Variants in SGCZ observed in about 807,000 individuals in gnomAD.
SGCZ encodes zeta-sarcoglycan.
A neutral mutation model predicts 41.3 loss-of-function variants in SGCZ; 40 were observed. The ratio of observed to expected loss-of-function variants is 0.97; its 90% CI spans 0.75 to 1.26. The LOEUF (loss-of-function observed/expected upper bound fraction) is 1.26, where lower values mean the gene tolerates loss of function less well. Ranked by LOEUF, SGCZ falls within the 50% of genes most tolerant of loss-of-function variation. The probability of loss-of-function intolerance (pLI) is 0.00; values close to 1 mark genes in which losing one functional copy is unlikely to be tolerated. For synonymous variants in SGCZ, 206 were observed against 137.5 expected (o/e 1.50, Z -3.49); for missense variants, 552 against 369.8 (o/e 1.49, Z -4.04).
intron 1 of SGCZ, among the ~76,000 whole-genome samples, chr8:15,023,014 A>T (rs1276903574): frequency 6.6e-6 from 1 of 152,004 alleles, no homozygotes; most frequent in East Asian, 1.9e-4. Context: ...TACTGTGGGC[A>T]TTTTCTTCAT....
At chr8:14,438,899 A>G (rs989388119) in intron 2 of SGCZ, among the ~76,000 whole-genome samples, 4 of 152,068 alleles carry the variant, frequency 2.6e-5, no homozygotes, top group Admixed American at 2.0e-4. Flanking sequence ...AGAGTATATT[A>G]TAATGATCTT....
intron 1 of SGCZ, among the ~76,000 whole-genome samples, chr8:14,587,237 A>T (rs1025638745): frequency 6.6e-6 from 1 of 152,026 alleles, no homozygotes; most frequent in Non-Finnish European, 1.5e-5. Context: ...CCAAACTTCT[A>T]CTATATCTTA....
intron 1 of SGCZ, among the ~76,000 whole-genome samples, chr8:14,863,822 C>T (rs1267118679): frequency 6.6e-6 from 1 of 152,074 alleles, no homozygotes; most frequent in African/African-American, 2.4e-5. Flanking sequence ...GTTGTAAATG[C>T]TGGAAATACA....
intron 1 of SGCZ, among the ~76,000 whole-genome samples, chr8:14,987,686 G>C (rs905216513): frequency 6.6e-6 from 1 of 151,822 alleles, no homozygotes; most frequent in Non-Finnish European, 1.5e-5. Context: ...ATCTTTACTG[G>C]AAGAAACTTA....
intron 1 of SGCZ, among the ~76,000 whole-genome samples, chr8:15,033,501 G>A (rs1004893152): frequency 3.0e-4 from 45 of 152,136 alleles, no homozygotes; most frequent in African/African-American, 1.1e-3. Flanking sequence ...TAGTACCTGT[G>A]TGACCCCCCT....
intron 1 of SGCZ, among the ~76,000 whole-genome samples, chr8:14,827,965 G>T (rs950885326): frequency 6.6e-6 from 1 of 152,230 alleles, no homozygotes; most frequent in Admixed American, 6.5e-5. Context: ...TAGGCAAAGT[G>T]TTCAAAAATT....
At chr8:14,800,100 C>G (rs1801271850) in intron 1 of SGCZ, among the ~76,000 whole-genome samples, 1 of 151,690 alleles carries the variant, frequency 6.6e-6, no homozygotes. Flanking sequence ...AGGATTAAAT[C>G]TCACCATTGA....
chr8:14,507,392 T>C (rs1217458258), intron 2 of SGCZ, among the ~76,000 whole-genome samples: 1 of 152,092 alleles, frequency 6.6e-6, no homozygotes, highest in Non-Finnish European at 1.5e-5. Flanking sequence ...CTTTTCTTTC[T>C]CCTCCATCCA....
rs141573772 is a variant in SGCZ, at chr8:14,429,340, G to A, written c.235-105136C>T. Among the ~76,000 whole-genome samples the A allele has an allele frequency of 6.0e-3, 911 of 152,274 alleles. 3 individuals carry two copies. The highest frequency in any genetic ancestry group is 0.011 in the Admixed American group (173 of 15,276). On this transcript the variant is annotated intron_variant, in intron 2 of 7. Transcript: ENST00000382080. ...GGTCAAAGACTTGGAGGAAGTCCAG[G>A]CATAAAGCCTGGGCTATCAGCAGAA...
intron 2 of SGCZ, among the ~76,000 whole-genome samples, chr8:14,445,644 T>C (rs1050443544): frequency 1.3e-5 from 2 of 152,138 alleles, no homozygotes; most frequent in Non-Finnish European, 2.9e-5. Flanking sequence ...TCATTATCCT[T>C]GGACATCGAA....
chr8:14,211,322 A>C (rs879776734), intron 4 of SGCZ, among the ~76,000 whole-genome samples: 1 of 152,032 alleles, frequency 6.6e-6, no homozygotes, highest in Non-Finnish European at 1.5e-5. Context: ...ACAGCCCATG[A>C]AGCTTCTCTG....
At chr8:14,456,988 G>A (rs1360854921) in intron 2 of SGCZ, among the ~76,000 whole-genome samples, 1 of 152,184 alleles carries the variant, frequency 6.6e-6, no homozygotes, top group Non-Finnish European at 1.5e-5. Context: ...CCTCCCAGAA[G>A]CAGATGCTTC....
intron 1 of SGCZ, among the ~76,000 whole-genome samples, chr8:15,028,638 G>C (rs552311065): frequency 6.6e-6 from 1 of 152,206 alleles, no homozygotes; most frequent in East Asian, 1.9e-4. Flanking sequence ...ATTGATTCAA[G>C]TGGATAAAAT....
chr8:14,644,075 A>G lies in SGCZ; in HGVS notation c.40-89149T>C, dbSNP rs531131376. The stretch of plus-strand genomic sequence containing the variant: ...ATAAGAATGAAAATAACTTTTAAGT[A>G]TTATGATCTAGCATACCTATCAATA... On this transcript the variant is annotated intron_variant, in intron 1 of 7. Transcript: ENST00000382080. Among the ~76,000 whole-genome samples the G allele has an allele frequency of 3.3e-5, 5 of 151,932 alleles. No individual in the cohort carries two copies. The East Asian group carries it at 7.8e-4, about 24-fold the overall frequency.
chr8:14,225,974 T>G (rs60307406), intron 4 of SGCZ, among the ~76,000 whole-genome samples: 43,453 of 151,900 alleles, frequency 0.29, 6,613 homozygotes, highest in South Asian at 0.42. Flanking sequence ...TTCCACAATT[T>G]ATTTGACAAA....
In SGCZ at chr8:15,097,828, ATATATACGTGTGTG is replaced by A. The variant is rs1346965422; in HGVS notation, c.39+139743_39+139756del. On this transcript the variant is annotated intron_variant, in intron 1 of 7. Transcript: ENST00000382080. ...TATATATATATACGTGTGTGTATAT[ATATATACGTGTGTG>A]TATATATATATATACGTGTGTGTGT... Among the ~76,000 whole-genome samples, 220 of 77,594 alleles carry A rather than the reference ATATATACGTGTGTG, an allele frequency of 2.8e-3. 9 individuals are homozygous for A. The highest frequency in any genetic ancestry group is 2.2e-3 in the Non-Finnish European group (88 of 39,130). The allele number at this position is 77,594 out of a possible 152,430, so 50.9% of individuals were successfully genotyped here.
intron 7 of SGCZ, among the ~76,000 whole-genome samples, chr8:14,095,897 C>A (rs573572457): frequency 6.6e-6 from 1 of 152,004 alleles, no homozygotes; most frequent in Admixed American, 6.6e-5. Context: ...TGATTTGACT[C>A]CCTGTTTGTC....
intron 2 of SGCZ, among the ~76,000 whole-genome samples, chr8:14,481,792 T>C (rs553952756): frequency 1.3e-5 from 2 of 152,308 alleles, no homozygotes; most frequent in South Asian, 4.1e-4. Context: ...AGAGGTTCCA[T>C]CTCTAATCAA....
intron 2 of SGCZ, among the ~76,000 whole-genome samples, chr8:14,443,166 G>C (rs1042105536): frequency 1.9e-4 from 29 of 152,220 alleles, no homozygotes; most frequent in African/African-American, 3.4e-4. Context: ...AAAGACGATA[G>C]AAACAAATGG....
Sources: allele counts gnomAD v4.1 joint callset (sites outside exome capture counted in the v4.1 genomes callset), GRCh38; gene constraint gnomAD v4.1.1; transcripts MANE v1.5; gene names NCBI Gene and HGNC (gene_info 2026-07-23, HGNC 2026-07-21).